PTPRM: variants seen among roughly 807,000 people sequenced by gnomAD.
PTPRM encodes the protein receptor-type tyrosine-protein phosphatase mu.
PTPRM carries 47 observed loss-of-function variants against 186.7 expected under a neutral mutation model. The observed-to-expected ratio is 0.25, with a 90% confidence interval of 0.20 to 0.32. The LOEUF is 0.32. PTPRM is among the 10% of genes least tolerant of loss of function. The pLI, the probability that PTPRM is intolerant of heterozygous loss-of-function variation, is 1.00. For missense variants in PTPRM, 1,494 were observed against 1,865.0 expected (o/e 0.80, Z 3.66); for synonymous variants, 668 against 674.9 (o/e 0.99, Z 0.16).
chr18:8,148,256 C>T (rs2092928695), intron 14 of PTPRM, among the ~76,000 whole-genome samples: 1 of 152,004 alleles, frequency 6.6e-6, no homozygotes, highest in Non-Finnish European at 1.5e-5. Context: ...TGGTAAAATT[C>T]AGCTGTGAAT....
At chr18:8,394,745 C>A in intron 32 of PTPRM, 134 bp downstream of exon 32, 1 of 958,090 alleles carries the variant, frequency 1.0e-6, no homozygotes, top group Non-Finnish European at 1.4e-6. Context: ...AATCACTTTG[C>A]TTGTAGGGCT....
intron 14 of PTPRM, among the ~76,000 whole-genome samples, chr18:8,240,445 G>GAC (rs2094402355): frequency 1.6e-5 from 1 of 64,448 alleles, no homozygotes; most frequent in Non-Finnish European, 3.0e-5. Flanking sequence ...CAAAAATAAA[G>GAC]AGAGAGAGAG....
chr18:7,872,574 A>G (rs2048035050), intron 2 of PTPRM, among the ~76,000 whole-genome samples: 2 of 152,238 alleles, frequency 1.3e-5, no homozygotes, highest in African/African-American at 2.4e-5. Context: ...CAAGATAATC[A>G]GTGGTATTAC....
intron 31 of PTPRM, among the ~76,000 whole-genome samples, chr18:8,393,837 G>A (rs1262930116): frequency 6.6e-6 from 1 of 152,174 alleles, no homozygotes; most frequent in African/African-American, 2.4e-5. Flanking sequence ...TGCCCAGGCT[G>A]GAGTGCAGTA....
chr18:7,755,490 A>G (rs606142), intron 1 of PTPRM, among the ~76,000 whole-genome samples: 27,297 of 152,216 alleles, frequency 0.18, 7,228 homozygotes, highest in African/African-American at 0.58. Context: ...TGTGTGGCCC[A>G]TGTGGAAGAG....
intron 9 of PTPRM, among the ~76,000 whole-genome samples, chr18:8,081,648 T>A (rs2090135254): frequency 6.6e-6 from 1 of 152,202 alleles, no homozygotes; most frequent in Non-Finnish European, 1.5e-5. Context: ...CCATCAGCTC[T>A]GTGGCAGGCA....
chr18:7,669,390 CTG>C (rs1362471240), intron 1 of PTPRM, among the ~76,000 whole-genome samples: 1 of 152,172 alleles, frequency 6.6e-6, no homozygotes, highest in Non-Finnish European at 1.5e-5. Flanking sequence ...TTGTGTTTAA[CTG>C]AGAGGGTTTT....
intron 2 of PTPRM, among the ~76,000 whole-genome samples, chr18:7,849,087 C>A (rs2046739162): frequency 1.3e-5 from 2 of 152,106 alleles, no homozygotes; most frequent in South Asian, 4.1e-4. Flanking sequence ...ATGGCATCTG[C>A]CTCGTTAATT....
chr18:7,898,610 C>T (rs1371066227), intron 3 of PTPRM, among the ~76,000 whole-genome samples: 1 of 152,166 alleles, frequency 6.6e-6, no homozygotes, highest in Non-Finnish European at 1.5e-5. Context: ...GTTGTTTCCT[C>T]TCTGAAAGCA....
intron 14 of PTPRM, among the ~76,000 whole-genome samples, chr18:8,172,659 G>A (rs1216066442): frequency 6.6e-6 from 1 of 150,586 alleles, no homozygotes; most frequent in Non-Finnish European, 1.5e-5. Context: ...CTAATTGTGA[G>A]GAAGGTTCTT....
chr18:8,356,137 C>T (rs2095562064), intron 23 of PTPRM, among the ~76,000 whole-genome samples: 1 of 152,218 alleles, frequency 6.6e-6, no homozygotes, highest in Admixed American at 6.5e-5. Flanking sequence ...ACGGCAAGCA[C>T]TGAAGCCAGC....
chr18:8,031,477 A>T (rs1568217188), intron 7 of PTPRM, among the ~76,000 whole-genome samples: 1 of 152,240 alleles, frequency 6.6e-6, no homozygotes, highest in Non-Finnish European at 1.5e-5. Context: ...TGGAATTAAT[A>T]AAAATGCCAG....
intron 14 of PTPRM, among the ~76,000 whole-genome samples, chr18:8,155,893 A>T (rs555742627): frequency 6.6e-6 from 1 of 151,620 alleles, no homozygotes; most frequent in South Asian, 2.1e-4. Context: ...CTTTCCTGAG[A>T]CTACACTGAG....
At chr18:7,777,460 A>G (rs2042642967) in intron 2 of PTPRM, among the ~76,000 whole-genome samples, 1 of 152,248 alleles carries the variant, frequency 6.6e-6, no homozygotes, top group Non-Finnish European at 1.5e-5. Flanking sequence ...GTTTCAAGCT[A>G]CAGTGAGAGT....
intron 14 of PTPRM, among the ~76,000 whole-genome samples, chr18:8,171,670 A>G (rs895819591): frequency 6.6e-6 from 1 of 152,178 alleles, no homozygotes; most frequent in African/African-American, 2.4e-5. Context: ...AGAAAGCTAA[A>G]TAGAGGCTGA....
chr18:7,576,877 C>G (rs1254286124), intron 1 of PTPRM, among the ~76,000 whole-genome samples: 1 of 152,192 alleles, frequency 6.6e-6, no homozygotes, highest in African/African-American at 2.4e-5. Flanking sequence ...TTAAAATGGA[C>G]TCAGTGTGAT....
At chr18:8,048,373 T>A (rs2087218764) in intron 7 of PTPRM, among the ~76,000 whole-genome samples, 1 of 151,982 alleles carries the variant, frequency 6.6e-6, no homozygotes, top group South Asian at 2.1e-4. Flanking sequence ...AAAATAAAAG[T>A]GGCGGGTTCA....
At chr18:8,008,322 T>C (rs1181591458) in intron 7 of PTPRM, among the ~76,000 whole-genome samples, 1 of 152,106 alleles carries the variant, frequency 6.6e-6, no homozygotes, top group Non-Finnish European at 1.5e-5. Context: ...AAACAGCAGC[T>C]GACAAGACCA....
At chr18:8,035,121 A>G (rs2086236113) in intron 7 of PTPRM, among the ~76,000 whole-genome samples, 1 of 152,168 alleles carries the variant, frequency 6.6e-6, no homozygotes, top group African/African-American at 2.4e-5. Flanking sequence ...TGCAATCTGG[A>G]TAGCCGAGAA....
Sources: allele counts gnomAD v4.1 joint callset (sites outside exome capture counted in the v4.1 genomes callset), GRCh38; gene constraint gnomAD v4.1.1; transcripts MANE v1.5; gene names NCBI Gene and HGNC (gene_info 2026-07-23, HGNC 2026-07-21).